The following ABHD14A variants were observed in gnomAD, a reference collection of about 807,000 sequenced individuals.
The protein encoded by ABHD14A is abhydrolase domain containing 14A.
ABHD14A carries 19 observed loss-of-function variants against 27.0 expected under a neutral mutation model. The ratio of observed to expected loss-of-function variants is 0.70; its 90% CI spans 0.49 to 1.03. The LOEUF (loss-of-function observed/expected upper bound fraction) is 1.03. Among genes scored for constraint, ABHD14A ranks in the 50% least tolerant of loss-of-function variants. ABHD14A has a pLI of 0.00. For missense variants in ABHD14A, 311 were observed against 344.6 expected, an observed-to-expected ratio of 0.90 and a Z score of 0.77; for synonymous variants, 148 against 158.8, an observed-to-expected ratio of 0.93 and a Z score of 0.51.
At chr3:51,979,937 T>A (rs191877180) in intron 3 of ABHD14A, among the ~76,000 whole-genome samples, 340 of 152,226 alleles carry the variant, frequency 2.2e-3, no homozygotes, top group African/African-American at 6.8e-3. Context: ...ATTTTATTTT[T>A]TTTTTAGACA....
Position 51,980,903 on chromosome 3 carries a change from G to C in ABHD14A, c.701G>C (p.Arg234Pro). Residue 234 changes from arginine (R) to proline (P), a missense_variant, in exon 5 of 5, where the codon CGC becomes CCC. By Grantham distance (103) the Arg-to-Pro change is moderately radical. Coordinates refer to ENST00000273596, the MANE Select transcript of ABHD14A (RefSeq NM_015407.5). ...GCTCGAGAGTCACTGCGGCAGCTCC[G>C]CCACCTGCCCAACCACTCTGTGGTG... The part of the protein sequence containing the change: ...ILARESLRQL[R>P]HLPNHSVVKL... 1.2e-6 allele frequency: 2 copies of C among 1,614,054 alleles called. No individual in the cohort carries two copies. Among genetic ancestry groups the C allele is most frequent in the Non-Finnish European group, 1.7e-6 (2 of 1,180,024 alleles).
intron 1 of ABHD14A, among the ~76,000 whole-genome samples, chr3:51,976,363 G>A (rs190563925): frequency 2.0e-5 from 3 of 152,338 alleles, no homozygotes; most frequent in Non-Finnish European, 4.4e-5. Flanking sequence ...AGTTCGGGCA[G>A]GCGCCCAGTT....
In ABHD14A at chr3:51,975,191, T is replaced by C. The variant is rs1302044453; in HGVS notation, c.56T>C (p.Ile19Thr). ...WFRLGGARPL[I>T]PLGPTVVQTS... ...CGCCTGGGCGGGGCCCGCCCGCTCA[T>C]CCCGTTGGGCCCGGTGAGTCTCCCG... The change falls in exon 1 of 5, where the codon ATC (isoleucine) becomes ACC (threonine). Residue 19 changes from isoleucine to threonine, a missense_variant. Ile to Thr is a moderately conservative substitution (Grantham distance 89). Transcript: ENST00000273596. 1.0e-5 allele frequency: 13 copies of C among 1,273,456 alleles called. No homozygotes were observed. The African/African-American group carries it at 1.1e-4, about 11-fold the overall frequency. The allele number at this position is 1,273,456 out of a possible 1,614,324, so 78.9% of individuals were successfully genotyped here. A position where few individuals can be genotyped will look rare whatever the true frequency, so the allele number is the denominator to read the frequency against.
At position 51,975,222 on chromosome 3, in the gene ABHD14A, G is replaced by T; in HGVS notation, c.69+18G>T. 8.0e-7 allele frequency: 1 copy of T among 1,251,582 alleles called. No individual in the cohort carries two copies. Among genetic ancestry groups the T allele is most frequent in the East Asian group, 3.2e-5 (1 of 31,700 alleles). 77.5% of individuals were successfully genotyped at this position (1,251,582 alleles called of 1,614,324 possible). ...TGGGCCCGGTGAGTCTCCCGGGGGAGGGAGGCCGGCCGGTGGCCCAGGGGA... is the reference window on the plus strand; with the variant it reads ...TGGGCCCGGTGAGTCTCCCGGGGGATGGAGGCCGGCCGGTGGCCCAGGGGA... On this transcript the variant is annotated intron_variant, in intron 1 of 4. Transcript: ENST00000273596.
At chr3:51,976,699 T>C (rs1700795172) in intron 1 of ABHD14A, among the ~76,000 whole-genome samples, 3 of 151,952 alleles carry the variant, frequency 2.0e-5, no homozygotes, top group Admixed American at 1.3e-4. Context: ...AAAATAAAGA[T>C]GTGTTTGCTG....
chr3:51,979,774 G>A (rs1235626542), intron 3 of ABHD14A, among the ~76,000 whole-genome samples: 1 of 149,248 alleles, frequency 6.7e-6, no homozygotes, highest in Non-Finnish European at 1.5e-5. Flanking sequence ...GAGCCACCGC[G>A]CCCAGCTGCC....
chr3:51,981,065 G>C lies in ABHD14A; in HGVS notation c.*47G>C, dbSNP rs1700900268. On this transcript the variant is annotated 3_prime_UTR_variant, in exon 5 of 5. Transcript: ENST00000273596. Reference sequence around the variant, plus strand: ...AGCCTGGCATGAGCTTGGACAGTCTGGACCGCCACCCTCCCTGAACCAGGG... The same window carrying C: ...AGCCTGGCATGAGCTTGGACAGTCTCGACCGCCACCCTCCCTGAACCAGGG... 6.3e-7 allele frequency: 1 copy of C among 1,577,812 alleles called. No homozygotes were observed. Among genetic ancestry groups the C allele is most frequent in the Non-Finnish European group, 8.7e-7 (1 of 1,153,252 alleles).
chr3:51,980,527 C>T lies in ABHD14A; in HGVS notation c.532C>T (p.Leu178=), dbSNP rs768198518. ...VSPSLSGHYA[L]PFLMRGHHQL... ...CCCCTCGCTGAGTGGCCACTATGCC[C>T]TGCCCTTCCTGATGCGAGGCCACCA... is the stretch of plus-strand genomic sequence containing the variant. Residue 178 remains leucine (L), a synonymous_variant, in exon 4 of 5, where the codon CTG becomes TTG. Transcript: ENST00000273596. 2 of 1,614,010 alleles carry T rather than the reference C, an allele frequency of 1.2e-6. No homozygotes were observed. Among genetic ancestry groups the T allele is most frequent in the African/African-American group, 1.3e-5 (1 of 74,946 alleles).
At chr3:51,979,553 C>T (rs867552143) in intron 3 of ABHD14A, among the ~76,000 whole-genome samples, 25 of 148,390 alleles carry the variant, frequency 1.7e-4, no homozygotes, top group Middle Eastern at 3.5e-3. Flanking sequence ...GGCTCGTACT[C>T]GGCTCACTGC....
At position 51,975,121 on chromosome 3, in the gene ABHD14A, G is replaced by A. The variant is rs1002649064; in HGVS notation, c.-15G>A. 5.4e-6 allele frequency: 7 copies of A among 1,293,356 alleles called. No homozygotes were observed. In the South Asian group the frequency reaches 1.6e-4, roughly 29 times the overall value. 80.1% of individuals were successfully genotyped at this position (1,293,356 alleles called of 1,614,324 possible). On this transcript the variant is annotated 5_prime_UTR_variant, in exon 1 of 5. Coordinates refer to ENST00000273596, the MANE Select transcript of ABHD14A (RefSeq NM_015407.5). The stretch of plus-strand genomic sequence containing the variant: ...GCCTAGAGCCGGAGCGGCCCGCGGA[G>A]CTGCGGAGGCAGCCATGGTCGGGGC...
rs34149506 is a variant in ABHD14A, at chr3:51,980,891, T to C, written c.689T>C (p.Leu230Pro). The change falls in exon 5 of 5, where the codon CTG becomes CCG. Residue 230 changes from leucine (L) to proline (P), a missense_variant. Coordinates refer to ENST00000273596, the MANE Select transcript of ABHD14A (RefSeq NM_015407.5). ...GACCACATCCTGGCTCGAGAGTCACTGCGGCAGCTCCGCCACCTGCCCAAC... is the reference window on the plus strand; with the variant it reads ...GACCACATCCTGGCTCGAGAGTCACCGCGGCAGCTCCGCCACCTGCCCAAC... ...ELDHILARESLRQLRHLPNHS... is the reference protein window; with the variant it reads ...ELDHILARESPRQLRHLPNHS... 6.2e-7 allele frequency: 1 copy of C among 1,614,024 alleles called. No individual in the cohort carries two copies. The highest frequency in any genetic ancestry group is 1.1e-5 in the South Asian group (1 of 91,092).
At chr3:51,977,362 CA>C (rs1349629250) in intron 1 of ABHD14A, among the ~76,000 whole-genome samples, 1 of 152,180 alleles carries the variant, frequency 6.6e-6, no homozygotes, top group Non-Finnish European at 1.5e-5. Context: ...TCCTCCTTGG[CA>C]AACCGAGTGT....
chr3:51,978,807 GT>G (rs1294613977), intron 3 of ABHD14A: 2 of 222,630 alleles, frequency 9.0e-6, no homozygotes, highest in African/African-American at 4.7e-5. Flanking sequence ...GGCCAGGCTG[GT>G]CCTGAACTCC....
rs1215136975 is a variant in ABHD14A, at chr3:51,981,010, C to T, written c.808C>T (p.Leu270=). The change falls in exon 5 of 5, where the codon CTA becomes TTA. Residue 270 remains leucine, a synonymous_variant. Coordinates refer to ENST00000273596, the MANE Select transcript of ABHD14A (RefSeq NM_015407.5). The part of the protein sequence containing the change: ...HLVLLAFLDH[L]P ...TGTCCTGCTTGCCTTCCTTGACCAT[C>T]TACCTTGAACTAACCCACTCCCAGC... is the stretch of plus-strand genomic sequence containing the variant. 1 of 1,608,978 alleles carries T rather than the reference C, an allele frequency of 6.2e-7. No homozygotes were observed. Among genetic ancestry groups the T allele is most frequent in the Non-Finnish European group, 8.5e-7 (1 of 1,175,616 alleles).
chr3:51,975,542 GGTAT>G (rs1700771102), intron 1 of ABHD14A, among the ~76,000 whole-genome samples: 1 of 151,776 alleles, frequency 6.6e-6, no homozygotes, highest in South Asian at 2.1e-4. Flanking sequence ...TGATTTTAAG[GGTAT>G]GTGTCTACCT....
At chr3:51,978,671 A>G in intron 3 of ABHD14A, 1 of 259,190 alleles carries the variant, frequency 3.9e-6, no homozygotes, top group South Asian at 3.9e-5. Context: ...GGCTCACTGC[A>G]ACCTCCGCCT....
chr3:51,978,467 A>G (rs540924174), intron 3 of ABHD14A, 93 bp downstream of exon 3: 3 of 836,340 alleles, frequency 3.6e-6, no homozygotes, highest in East Asian at 2.7e-5. Context: ...GCAGGTCACA[A>G]CATAAGGTGG....
rs184075550 is a variant in ABHD14A at position 51,979,278 on chromosome 3, G to T, written c.397+904G>T. ...CTCCCTCTTTGTTGTCAACCCTGCA[G>T]TGTGTCCCATAGGAGGGATGGACAG... is the stretch of plus-strand genomic sequence containing the variant. On this transcript the variant is annotated intron_variant, in intron 3 of 4. Transcript: ENST00000273596. 3.5e-4 allele frequency among the ~76,000 whole-genome samples: 53 copies of T among 152,246 alleles called. 1 individual carries two copies. In the East Asian group the frequency reaches 8.3e-3, roughly 24 times the overall value.
chr3:51,980,881 CG>C lies in ABHD14A; in HGVS notation c.680del (p.Arg227GlnfsTer16). On this transcript the variant is annotated frameshift_variant, in exon 5 of 5. Transcript: ENST00000273596. LOFTEE classifies it high-confidence loss of function. ...TGGAGAGCTGGACCACATCCTGGCT[CG>C]AGAGTCACTGCGGCAGCTCCGCCAC... Reference protein sequence around the residue: ...LYGELDHILARESLRQLRHLP... With the variant: ...LYGELDHILAXESLRQLRHLP... The C allele has an allele frequency of 1.2e-6, 2 of 1,614,116 alleles. No homozygotes were observed. Among genetic ancestry groups the C allele is most frequent in the Non-Finnish European group, 1.7e-6 (2 of 1,180,018 alleles).
Sources: gnomAD v4.1 joint callset for allele counts (sites outside exome capture counted in the v4.1 genomes callset) on GRCh38, gnomAD v4.1.1 for gene constraint, MANE v1.5 for transcripts, NCBI Gene and HGNC (gene_info 2026-07-23, HGNC 2026-07-21) for gene names.